Variants in ACTL8 observed in about 807,000 individuals in gnomAD.
The protein encoded by ACTL8 is actin-like protein 8.
In ACTL8, 3 loss-of-function variants were observed where a neutral mutation model predicts 9.3. The observed-to-expected ratio is 0.32, with a 90% confidence interval of 0.15 to 0.83. The LOEUF (loss-of-function observed/expected upper bound fraction) is 0.83. Among genes scored for constraint, ACTL8 ranks in the 40% least tolerant of loss-of-function variants. The pLI, the probability that ACTL8 is intolerant of heterozygous loss-of-function variation, is 0.57. For missense variants in ACTL8, 381 were observed against 492.2 expected, an observed-to-expected ratio of 0.77 and a Z score of 2.14; for synonymous variants, 224 against 205.9, an observed-to-expected ratio of 1.09 and a Z score of -0.75.
intron 1 of ACTL8, among the ~76,000 whole-genome samples, chr1:17,821,662 T>C (rs1359207486): frequency 6.6e-6 from 1 of 152,106 alleles, no homozygotes; most frequent in Non-Finnish European, 1.5e-5. Flanking sequence ...GGAGTCTCAC[T>C]CTGTCGCCTA....
chr1:17,816,479 C>T (rs1376074595), intron 1 of ACTL8, among the ~76,000 whole-genome samples: 1 of 152,228 alleles, frequency 6.6e-6, no homozygotes, highest in African/African-American at 2.4e-5. Context: ...GCTAGTATTA[C>T]AGGCGTGAGC....
Position 17,801,347 on chromosome 1 carries a change from G to A in ACTL8, c.-24-21638G>A, listed in dbSNP as rs542339335. Among the ~76,000 whole-genome samples the A allele has an allele frequency of 1.8e-4, 27 of 152,290 alleles. No individual in the cohort carries two copies. In the South Asian group the frequency reaches 5.6e-3, roughly 32 times the overall value. ...CACACAGCAATTCTAGATATTTAAA[G>A]CTGTAAAACAAGATAACAAACTGTT... On this transcript the variant is annotated intron_variant, in intron 1 of 2. Coordinates refer to ENST00000375406, the MANE Select transcript of ACTL8 (RefSeq NM_030812.3).
intron 1 of ACTL8, among the ~76,000 whole-genome samples, chr1:17,763,881 T>A (rs760073368): frequency 6.6e-6 from 1 of 152,224 alleles, no homozygotes; most frequent in Non-Finnish European, 1.5e-5. Flanking sequence ...GGGGTTGCGA[T>A]GGAGCTCCAT....
chr1:17,797,423 G>T (rs1172792451), intron 1 of ACTL8, among the ~76,000 whole-genome samples: 2 of 152,206 alleles, frequency 1.3e-5, no homozygotes, highest in Non-Finnish European at 2.9e-5. Flanking sequence ...TGCCATATCG[G>T]CGCTTCCCAG....
intron 1 of ACTL8, among the ~76,000 whole-genome samples, chr1:17,786,475 C>T (rs2066198304): frequency 6.6e-6 from 1 of 152,150 alleles, no homozygotes; most frequent in South Asian, 2.1e-4. Flanking sequence ...TGGTTCTAGG[C>T]TGTGTTCTGG....
chr1:17,791,306 G>C (rs574665545), intron 1 of ACTL8, among the ~76,000 whole-genome samples: 64 of 152,290 alleles, frequency 4.2e-4, no homozygotes, highest in African/African-American at 1.5e-3. Context: ...GGCAGCAGCT[G>C]CTTCAGATGG....
intron 1 of ACTL8, among the ~76,000 whole-genome samples, chr1:17,813,785 T>C (rs1325147753): frequency 6.6e-6 from 1 of 152,264 alleles, no homozygotes; most frequent in Non-Finnish European, 1.5e-5. Context: ...CTAAAAAGTC[T>C]ATTTCTAATA....
At chr1:17,759,351 G>T (rs538917422) in intron 1 of ACTL8, among the ~76,000 whole-genome samples, 1 of 152,224 alleles carries the variant, frequency 6.6e-6, no homozygotes, top group Admixed American at 6.5e-5. Flanking sequence ...CCTGCAGCAC[G>T]TGCCGCTCAG....
intron 1 of ACTL8, among the ~76,000 whole-genome samples, chr1:17,774,992 G>C (rs1315600121): frequency 6.6e-6 from 1 of 152,174 alleles, no homozygotes; most frequent in African/African-American, 2.4e-5. Context: ...CTGGAATCTA[G>C]GTGAGGAGAG....
chr1:17,778,267 C>T (rs2102681870), intron 1 of ACTL8, among the ~76,000 whole-genome samples: 1 of 152,206 alleles, frequency 6.6e-6, no homozygotes, highest in South Asian at 2.1e-4. Context: ...AGCCTTGGTG[C>T]AGGGCCTGCT....
At chr1:17,817,677 C>A (rs1264479985) in intron 1 of ACTL8, among the ~76,000 whole-genome samples, 1 of 150,776 alleles carries the variant, frequency 6.6e-6, no homozygotes, top group Non-Finnish European at 1.5e-5. Context: ...CCACTTCCAT[C>A]CCAACCACTT....
intron 1 of ACTL8, among the ~76,000 whole-genome samples, chr1:17,811,147 A>G (rs76719137): frequency 1.8e-3 from 275 of 152,282 alleles, no homozygotes; most frequent in African/African-American, 6.4e-3. Flanking sequence ...AGCTCTTGGT[A>G]TTGTCCTTAA....
At position 17,826,175 on chromosome 1, in the gene ACTL8, C is replaced by CGG. The variant is rs781177786; in HGVS notation, c.759_760dup (p.Val254GlyfsTer43). Reference sequence around the variant, plus strand: ...CCGCGTGGAGCTGACCCCCATGCAGCGGGTGGCTCCTGAGATGTTCTTTAG... The same window carrying CGG: ...CCGCGTGGAGCTGACCCCCATGCAGCGGGGGTGGCTCCTGAGATGTTCTTTAG... On this transcript the variant is annotated frameshift_variant, in exon 3 of 3. Transcript: ENST00000375406. LOFTEE classifies it low-confidence loss of function (END_TRUNC). The surrounding 1 kb of genome is among the most constrained non-coding windows in gnomAD (Gnocchi z 4.5). 2 of 1,612,912 alleles carry CGG rather than the reference C, an allele frequency of 1.2e-6. No homozygotes were observed. The highest frequency in any genetic ancestry group is 2.7e-5 in the African/African-American group (2 of 74,916).
In ACTL8 at chr1:17,806,241, T is replaced by C. The variant is rs113193482; in HGVS notation, c.-24-16744T>C. ...CTGGTTAGTTTTACATTAATGGGGG[T>C]TTCTGAATGCCAAGAGACAATCAAT... On this transcript the variant is annotated intron_variant, in intron 1 of 2. Transcript: ENST00000375406. Among the ~76,000 whole-genome samples, 730 of 152,188 alleles carry C rather than the reference T, an allele frequency of 4.8e-3. 8 individuals carry two copies. The highest frequency in any genetic ancestry group is 0.017 in the African/African-American group (704 of 41,522).
chr1:17,769,211 C>T (rs2066066922), intron 1 of ACTL8, among the ~76,000 whole-genome samples: 1 of 152,154 alleles, frequency 6.6e-6, no homozygotes. Flanking sequence ...TGATTCTTTT[C>T]CTTCAGCCTT....
chr1:17,797,290 T>G (rs1023784513), intron 1 of ACTL8, among the ~76,000 whole-genome samples: 1 of 152,174 alleles, frequency 6.6e-6, no homozygotes, highest in Non-Finnish European at 1.5e-5. Context: ...AGCCCTGTCA[T>G]GAGGGCACTT....
chr1:17,790,453 T>C (rs1167515097), intron 1 of ACTL8, among the ~76,000 whole-genome samples: 2 of 152,244 alleles, frequency 1.3e-5, no homozygotes, highest in African/African-American at 4.8e-5. Flanking sequence ...AGGAGCTTTA[T>C]TGAGCAAATA....
At chr1:17,799,533 T>C (rs1033194341) in intron 1 of ACTL8, among the ~76,000 whole-genome samples, 6 of 152,118 alleles carry the variant, frequency 3.9e-5, no homozygotes, top group Non-Finnish European at 8.8e-5. Context: ...ATCTCCCATT[T>C]TGATATGTTT....
intron 1 of ACTL8, among the ~76,000 whole-genome samples, chr1:17,782,317 A>T (rs2066161532): frequency 6.6e-6 from 1 of 152,224 alleles, no homozygotes; most frequent in Non-Finnish European, 1.5e-5. Context: ...ATTGAGGATT[A>T]CAAGAGAGAA....
Sources: gnomAD v4.1 joint callset for allele counts (sites outside exome capture counted in the v4.1 genomes callset) on GRCh38, gnomAD v4.1.1 for gene constraint, Gnocchi (gnomAD v3.1) non-coding constraint, MANE v1.5 for transcripts, NCBI Gene and HGNC (gene_info 2026-07-23, HGNC 2026-07-21) for gene names.